LHFPL3: variants seen among roughly 807,000 people sequenced by gnomAD.
LHFPL3 encodes the protein LHFPL tetraspan subfamily member 3 protein.
LHFPL3 carries 5 observed loss-of-function variants against 19.3 expected under a neutral mutation model. That is an observed-to-expected ratio of 0.26 (90% confidence interval 0.14 to 0.54). The LOEUF (loss-of-function observed/expected upper bound fraction) is 0.54. Among genes scored for constraint, LHFPL3 ranks in the 20% least tolerant of loss-of-function variants. The pLI, the probability that LHFPL3 is intolerant of heterozygous loss-of-function variation, is 0.94. For missense variants in LHFPL3, 249 were observed against 307.4 expected, an observed-to-expected ratio of 0.81 and a Z score of 1.42; for synonymous variants, 133 against 126.2, an observed-to-expected ratio of 1.05 and a Z score of -0.36.
In LHFPL3 at chr7:104,431,489, G is replaced by A. The variant is rs550544470; in HGVS notation, c.445+102265G>A. On this transcript the variant is annotated intron_variant, in intron 1 of 2. Coordinates refer to ENST00000424859, the MANE Select transcript of LHFPL3 (RefSeq NM_199000.3). ...TTCTTTGATCCTTGCTTTTTTAGAG[G>A]ACAGTACACTTTTCTCACTTATTTG... 3.3e-5 allele frequency among the ~76,000 whole-genome samples: 5 copies of A among 152,132 alleles called. No homozygotes were observed. The East Asian group carries it at 9.7e-4, about 29-fold the overall frequency.
chr7:104,544,604 C>T (rs984579445), intron 1 of LHFPL3, among the ~76,000 whole-genome samples: 1 of 152,158 alleles, frequency 6.6e-6, no homozygotes, highest in African/African-American at 2.4e-5. Flanking sequence ...GAGTGTAGCT[C>T]AGCATCAGCA....
chr7:104,389,400 T>A (rs1394661429), intron 1 of LHFPL3, among the ~76,000 whole-genome samples: 1 of 152,144 alleles, frequency 6.6e-6, no homozygotes, highest in Non-Finnish European at 1.5e-5. Flanking sequence ...GCAATTCATG[T>A]GTATAGACCA....
intron 1 of LHFPL3, among the ~76,000 whole-genome samples, chr7:104,478,720 T>G (rs1308873657): frequency 1.3e-5 from 2 of 152,208 alleles, no homozygotes; most frequent in Non-Finnish European, 2.9e-5. Context: ...TAATGGCTAC[T>G]AATCAAAGAG....
chr7:104,461,945 T>C (rs958197552), intron 1 of LHFPL3, among the ~76,000 whole-genome samples: 2 of 152,202 alleles, frequency 1.3e-5, no homozygotes, highest in African/African-American at 4.8e-5. Flanking sequence ...TGTTTTGTAA[T>C]TCTCCTTGTA....
intron 2 of LHFPL3, among the ~76,000 whole-genome samples, chr7:104,813,277 C>CA (rs71155526): frequency 1.3e-5 from 2 of 151,778 alleles, no homozygotes; most frequent in Non-Finnish European, 2.9e-5. Flanking sequence ...GATCCTGTCC[C>CA]AAAAAAGTAA....
At chr7:104,893,819 G>C (rs551059761) in intron 2 of LHFPL3, among the ~76,000 whole-genome samples, 1 of 152,046 alleles carries the variant, frequency 6.6e-6, no homozygotes, top group South Asian at 2.1e-4. Flanking sequence ...AGGCATGGTG[G>C]CATACCCCTG....
At chr7:104,575,582 A>AAAAAAAAC (rs1790322250) in intron 1 of LHFPL3, among the ~76,000 whole-genome samples, 1 of 149,242 alleles carries the variant, frequency 6.7e-6, no homozygotes, top group African/African-American at 2.5e-5. Context: ...AAAAAAAAAA[A>AAAAAAAAC]AAAACAGAAA....
intron 1 of LHFPL3, among the ~76,000 whole-genome samples, chr7:104,501,111 C>T (rs1043547585): frequency 4.5e-4 from 68 of 151,688 alleles, no homozygotes; most frequent in African/African-American, 1.5e-3. Flanking sequence ...AAAAAAAATG[C>T]TCAATAAATG....
At chr7:104,863,134 A>G (rs1791647929) in intron 2 of LHFPL3, among the ~76,000 whole-genome samples, 2 of 152,218 alleles carry the variant, frequency 1.3e-5, no homozygotes, top group African/African-American at 4.8e-5. Flanking sequence ...TAATAAAAAT[A>G]GCAGTGGCTT....
At chr7:104,679,679 G>C (rs775708263) in intron 1 of LHFPL3, among the ~76,000 whole-genome samples, 28 of 152,280 alleles carry the variant, frequency 1.8e-4, no homozygotes, top group Admixed American at 5.9e-4. Context: ...CCCTCTTGGA[G>C]TTTTGTTAGA....
At chr7:104,439,635 A>G (rs936089459) in intron 1 of LHFPL3, among the ~76,000 whole-genome samples, 4 of 152,276 alleles carry the variant, frequency 2.6e-5, no homozygotes, top group South Asian at 4.1e-4. Flanking sequence ...ACCAAAGTCA[A>G]TGTTCATTCA....
chr7:104,903,846 G>A (rs989885852), intron 2 of LHFPL3, among the ~76,000 whole-genome samples: 1 of 152,256 alleles, frequency 6.6e-6, no homozygotes, highest in Admixed American at 6.5e-5. Flanking sequence ...TGGGCCCCTA[G>A]GTGGATCCCA....
In LHFPL3 at chr7:104,829,534, G is replaced by A. The variant is rs547926346; in HGVS notation, c.683-76653G>A. Reference sequence around the variant, plus strand: ...TGTGATGTTCCCCTTCCTGTGTCCAGGTGTTCTCATTGTTCAGTTCCCACC... The same window carrying A: ...TGTGATGTTCCCCTTCCTGTGTCCAAGTGTTCTCATTGTTCAGTTCCCACC... On this transcript the variant is annotated intron_variant, in intron 2 of 2. Transcript: ENST00000424859. Among the ~76,000 whole-genome samples, 6 of 151,494 alleles carry A rather than the reference G, an allele frequency of 4.0e-5. No individual in the cohort carries two copies. In the East Asian group the frequency reaches 1.2e-3, roughly 29 times the overall value.
intron 1 of LHFPL3, among the ~76,000 whole-genome samples, chr7:104,365,851 G>A (rs1382000686): frequency 2.0e-5 from 3 of 151,642 alleles, no homozygotes; most frequent in Non-Finnish European, 4.4e-5. Flanking sequence ...ATGTGTGGGC[G>A]GGGAGGGGAG....
intron 2 of LHFPL3, among the ~76,000 whole-genome samples, chr7:104,767,778 G>A (rs1794481355): frequency 6.6e-6 from 1 of 152,054 alleles, no homozygotes; most frequent in South Asian, 2.1e-4. Flanking sequence ...AGAGTTCAGT[G>A]GCTTCCAACT....
Position 104,474,481 on chromosome 7 carries a change from A to G in LHFPL3, c.445+145257A>G, listed in dbSNP as rs374653235. On this transcript the variant is annotated intron_variant, in intron 1 of 2. Coordinates refer to ENST00000424859, the MANE Select transcript of LHFPL3 (RefSeq NM_199000.3). Reference sequence around the variant, plus strand: ...AGATCAAGACCATCCTGGCTAACATAGTGAAACCCTGTCTCTACTAAAAAT... The same window carrying G: ...AGATCAAGACCATCCTGGCTAACATGGTGAAACCCTGTCTCTACTAAAAAT... Among the ~76,000 whole-genome samples, 50 of 152,040 alleles carry G rather than the reference A, an allele frequency of 3.3e-4. No individual in the cohort carries two copies. In the East Asian group the frequency reaches 8.9e-3, roughly 27 times the overall value.
chr7:104,726,211 A>G (rs376511738), intron 1 of LHFPL3, among the ~76,000 whole-genome samples: 189 of 152,172 alleles, frequency 1.2e-3, no homozygotes, highest in African/African-American at 4.4e-3. Flanking sequence ...TTTAGAGTGT[A>G]TTGTCTAGAT....
chr7:104,790,176 A>C (rs1789994531), intron 2 of LHFPL3, among the ~76,000 whole-genome samples: 1 of 152,184 alleles, frequency 6.6e-6, no homozygotes, highest in African/African-American at 2.4e-5. Context: ...TGCAATTCCA[A>C]GCGTTGAAAT....
intron 1 of LHFPL3, among the ~76,000 whole-genome samples, chr7:104,593,732 G>A (rs1335983882): frequency 6.6e-6 from 1 of 152,088 alleles, no homozygotes; most frequent in African/African-American, 2.4e-5. Flanking sequence ...CCTGTATTGG[G>A]TGCATATATA....
Sources: gnomAD v4.1 joint callset for allele counts (sites outside exome capture counted in the v4.1 genomes callset) on GRCh38, gnomAD v4.1.1 for gene constraint, MANE v1.5 for transcripts, NCBI Gene and HGNC (gene_info 2026-07-23, HGNC 2026-07-21) for gene names.